CNNM1: variants seen among roughly 807,000 people sequenced by gnomAD.
CNNM1 encodes the protein cyclin and CBS domain divalent metal cation transport mediator 1.
CNNM1 carries 44 observed loss-of-function variants against 78.8 expected under a neutral mutation model. The observed-to-expected ratio is 0.56, with a 90% CI of 0.44 to 0.72. The LOEUF (loss-of-function observed/expected upper bound fraction) is 0.72, where lower values mean the gene tolerates loss of function less well. Among genes scored for constraint, CNNM1 ranks in the 30% least tolerant of loss-of-function variants. CNNM1 has a pLI of 0.00. For missense variants in CNNM1, 1,101 were observed against 1,292.2 expected (o/e 0.85, Z 2.27); for synonymous variants, 584 against 581.5 (o/e 1.00, Z -0.06).
chr10:99,348,788 A>G (rs897314655), intron 1 of CNNM1, among the ~76,000 whole-genome samples: 4 of 152,212 alleles, frequency 2.6e-5, no homozygotes, highest in Admixed American at 6.5e-5. Flanking sequence ...ACAGTGGCTC[A>G]CACCTGTAAT....
intron 7 of CNNM1, among the ~76,000 whole-genome samples, chr10:99,382,869 A>G (rs1399927102): frequency 6.6e-6 from 1 of 152,198 alleles, no homozygotes. Context: ...GCTTTTCACT[A>G]CTTTCAGAAT....
intron 1 of CNNM1, among the ~76,000 whole-genome samples, chr10:99,345,721 T>G (rs899322607): frequency 6.6e-5 from 10 of 152,208 alleles, no homozygotes; most frequent in African/African-American, 2.4e-4. Flanking sequence ...GGCCTGAGCT[T>G]AATGTATCCA....
chr10:99,337,421 A>G (rs1416030434), intron 1 of CNNM1, among the ~76,000 whole-genome samples: 1 of 152,156 alleles, frequency 6.6e-6, no homozygotes, highest in African/African-American at 2.4e-5. Flanking sequence ...CCCTCCAGCA[A>G]TGCTGAACTC....
chr10:99,365,200 G>T (rs1435904619), intron 6 of CNNM1, 198 bp downstream of exon 6: 5 of 671,296 alleles, frequency 7.4e-6, no homozygotes, highest in Non-Finnish European at 1.1e-5. Flanking sequence ...TGTGTGTCTG[G>T]AATGTTTTCT....
At chr10:99,368,474 G>A (rs1166945120) in intron 6 of CNNM1, 4 of 388,120 alleles carry the variant, frequency 1.0e-5, no homozygotes, top group Admixed American at 6.4e-5. Flanking sequence ...TGTTTTCAGA[G>A]TCAAGATTCC....
chr10:99,366,223 G>A (rs1439807361), intron 6 of CNNM1, among the ~76,000 whole-genome samples: 2 of 152,160 alleles, frequency 1.3e-5, no homozygotes, highest in Non-Finnish European at 2.9e-5. Context: ...CTCAATCAAG[G>A]TTGATGAAGG....
chr10:99,331,318 C>T (rs940738748), intron 1 of CNNM1, among the ~76,000 whole-genome samples: 1 of 152,210 alleles, frequency 6.6e-6, no homozygotes, highest in African/African-American at 2.4e-5. Context: ...GGAGACACCT[C>T]TGCAGGTTCC....
chr10:99,362,960 A>G (rs7086202), intron 4 of CNNM1, among the ~76,000 whole-genome samples: 8,940 of 152,190 alleles, frequency 0.059, 889 homozygotes, highest in African/African-American at 0.2. Flanking sequence ...GACCTGTTCA[A>G]AGAAGTGCAA....
At chr10:99,366,951 A>ACTCTTT (rs1210443034) in intron 6 of CNNM1, among the ~76,000 whole-genome samples, 1 of 152,064 alleles carries the variant, frequency 6.6e-6, no homozygotes, top group Non-Finnish European at 1.5e-5. Context: ...GAAACATAGC[A>ACTCTTT]CTCTTTCTCT....
At chr10:99,368,202 C>T in intron 6 of CNNM1, 1 of 202,846 alleles carries the variant, frequency 4.9e-6, no homozygotes. Context: ...CCTCTGAGTA[C>T]CTGTGCAGGT....
chr10:99,331,508 G>T (rs757462754), intron 1 of CNNM1, among the ~76,000 whole-genome samples: 12 of 152,048 alleles, frequency 7.9e-5, no homozygotes, highest in Non-Finnish European at 1.8e-4. Context: ...ACTAAACCCA[G>T]ACACCTTAGA....
chr10:99,365,809 A>G (rs2031596377), intron 6 of CNNM1, among the ~76,000 whole-genome samples: 1 of 152,196 alleles, frequency 6.6e-6, no homozygotes, highest in Admixed American at 6.5e-5. Flanking sequence ...ATAAAAAAAG[A>G]TTTTACATAT....
At position 99,330,333 on chromosome 10, in the gene CNNM1, T is replaced by C. The variant is rs2134007402; in HGVS notation, c.946T>C (p.Tyr316His). ...GGGCTTCGGGGGCACCGGGGAAGAC[T>C]ACAGCGAAGAGGGGATCCACTTCCC... ...PPGFGGTGED[Y>H]SEEGIHFPWL... The change falls in exon 1 of 11, where the codon TAC becomes CAC. Residue 316 changes from tyrosine to histidine, a missense_variant. Transcript: ENST00000356713. 1 of 1,600,586 alleles carries C rather than the reference T, an allele frequency of 6.2e-7. No homozygotes were observed. The highest frequency in any genetic ancestry group is 1.7e-5 in the Admixed American group (1 of 58,458).
rs148302689 is a variant in CNNM1 at position 99,376,235 on chromosome 10, A to T, written c.2177-820A>T. ...TCTAAACCACATTTCAATATCCAGA[A>T]TCCTGGAATCCCCACCCAAACAATC... On this transcript the variant is annotated intron_variant, in intron 6 of 10. Coordinates refer to ENST00000356713, the MANE Select transcript of CNNM1 (RefSeq NM_020348.3). Among the ~76,000 whole-genome samples, 93 of 152,244 alleles carry T rather than the reference A, an allele frequency of 6.1e-4. 1 individual carries two copies. The East Asian group carries it at 0.012, about 19-fold the overall frequency.
chr10:99,343,864 G>T (rs1167113837), intron 1 of CNNM1, among the ~76,000 whole-genome samples: 1 of 151,546 alleles, frequency 6.6e-6, no homozygotes, highest in East Asian at 2.0e-4. Flanking sequence ...ACAGACACCC[G>T]CCACCATGCC....
At position 99,329,779 on chromosome 10, in the gene CNNM1, A is replaced by C; in HGVS notation, c.392A>C (p.Gln131Pro). The change falls in exon 1 of 11, where the codon CAG becomes CCG. Residue 131 changes from glutamine (Q) to proline (P), a missense_variant. This residue lies in a region of CNNM1 where 476 missense variants were observed against 484.5 expected (regional missense o/e 0.98). Coordinates refer to ENST00000356713, the MANE Select transcript of CNNM1 (RefSeq NM_020348.3). Reference sequence around the variant, plus strand: ...GTCCCCACTCGCCCCCCGGGACCGCAGCGCTGCAGGGAGCAGAGCGACTGG... The same window carrying C: ...GTCCCCACTCGCCCCCCGGGACCGCCGCGCTGCAGGGAGCAGAGCGACTGG... Reference protein sequence around the residue: ...SAVPTRPPGPQRCREQSDWAS... With the variant: ...SAVPTRPPGPPRCREQSDWAS... The C allele has an allele frequency of 6.7e-7, 1 of 1,492,148 alleles. No homozygotes were observed. Among genetic ancestry groups the C allele is most frequent in the Non-Finnish European group, 8.9e-7 (1 of 1,128,696 alleles). The allele number at this position is 1,492,148 out of a possible 1,614,324, so 92.4% of individuals were successfully genotyped here.
At chr10:99,348,253 C>T (rs192238767) in intron 1 of CNNM1, among the ~76,000 whole-genome samples, 2 of 151,822 alleles carry the variant, frequency 1.3e-5, no homozygotes, top group African/African-American at 4.8e-5. Flanking sequence ...GATTCATTGC[C>T]CAGGCTGGTC....
At chr10:99,376,983 G>T in intron 6 of CNNM1, 72 bp from the exon 7 acceptor site, 1 of 1,310,158 alleles carries the variant, frequency 7.6e-7, no homozygotes. Context: ...CTCCTTCCCT[G>T]TCTCCCTCCC....
intron 6 of CNNM1, among the ~76,000 whole-genome samples, chr10:99,372,352 C>T (rs1319628747): frequency 6.6e-6 from 1 of 152,184 alleles, no homozygotes; most frequent in East Asian, 1.9e-4. Context: ...TTTCACAGAG[C>T]AGAAAACCCT....
Sources: gnomAD v4.1 joint callset for allele counts (sites outside exome capture counted in the v4.1 genomes callset) on GRCh38, gnomAD v4.1.1 for gene constraint, gnomAD v4.1.1 regional missense constraint, MANE v1.5 for transcripts, NCBI Gene and HGNC (gene_info 2026-07-23, HGNC 2026-07-21) for gene names.